Variants in RIPOR2 observed in about 807,000 individuals in gnomAD.
RIPOR2 encodes the protein rho family-interacting cell polarization regulator 2.
RIPOR2 carries 39 observed loss-of-function variants against 114.5 expected under a neutral mutation model. The observed-to-expected ratio is 0.34, with a 90% CI of 0.26 to 0.44. The LOEUF is 0.44. RIPOR2 is among the 20% of genes least tolerant of loss of function. The pLI is 1.00. For missense variants in RIPOR2, 1,007 were observed against 1,255.1 expected (o/e 0.80, Z 2.99); for synonymous variants, 445 against 484.4 (o/e 0.92, Z 1.07).
chr6:24,948,533 CTTTT>C (rs35993841), intron 1 of RIPOR2, among the ~76,000 whole-genome samples: 4 of 145,396 alleles, frequency 2.8e-5, no homozygotes, highest in African/African-American at 7.7e-5. Context: ...TTCTTTCTTT[CTTTT>C]TTTTTTTTTT....
At chr6:24,888,329 T>C (rs1388361088) in intron 1 of RIPOR2, among the ~76,000 whole-genome samples, 2 of 152,226 alleles carry the variant, frequency 1.3e-5, no homozygotes, top group Non-Finnish European at 2.9e-5. Context: ...CAGCCTGTTT[T>C]CCCTAGAGCT....
intron 1 of RIPOR2, among the ~76,000 whole-genome samples, chr6:24,933,379 G>T (rs1011288362): frequency 6.6e-6 from 1 of 152,304 alleles, no homozygotes; most frequent in East Asian, 1.9e-4. Flanking sequence ...CCTGCTTAAG[G>T]TCATAAGTGA....
intron 1 of RIPOR2, among the ~76,000 whole-genome samples, chr6:24,991,730 C>G (rs777230386): frequency 6.6e-6 from 1 of 152,136 alleles, no homozygotes; most frequent in Non-Finnish European, 1.5e-5. Context: ...ATCTCCCAGA[C>G]CCATATCCAA....
At chr6:24,861,149 C>T in intron 7 of RIPOR2, 113 bp from the exon 8 acceptor site, 1 of 680,956 alleles carries the variant, frequency 1.5e-6, no homozygotes, top group Admixed American at 2.4e-5. Context: ...AAGCATTTAC[C>T]TGTTTGCTCC....
At chr6:24,830,458 C>T (rs1760579430) in intron 17 of RIPOR2, 51 bp downstream of exon 17, 5 of 1,489,722 alleles carry the variant, frequency 3.4e-6, no homozygotes, top group East Asian at 2.5e-5. Context: ...CACCCCAATG[C>T]CCACTCTCAC....
At chr6:25,004,887 G>C (rs1471394786) in intron 1 of RIPOR2, among the ~76,000 whole-genome samples, 1 of 151,756 alleles carries the variant, frequency 6.6e-6, no homozygotes, top group Non-Finnish European at 1.5e-5. Context: ...AGGTACTTTA[G>C]TATTCTCACA....
At chr6:24,986,897 A>G (rs1471902227) in intron 1 of RIPOR2, among the ~76,000 whole-genome samples, 1 of 151,384 alleles carries the variant, frequency 6.6e-6, no homozygotes, top group Non-Finnish European at 1.5e-5. Flanking sequence ...AAATACACGA[A>G]CACTAATGGT....
chr6:24,837,879 G>A (rs1040980144), intron 14 of RIPOR2, among the ~76,000 whole-genome samples: 8 of 152,088 alleles, frequency 5.3e-5, no homozygotes, highest in Non-Finnish European at 1.2e-4. Context: ...ATCTTTCAGG[G>A]AGATTTGTGA....
intron 1 of RIPOR2, among the ~76,000 whole-genome samples, chr6:24,921,393 A>T (rs1393199453): frequency 1.3e-5 from 2 of 151,228 alleles, no homozygotes; most frequent in African/African-American, 2.4e-5. Context: ...CAAATACCTG[A>T]TCTCAAGTGA....
intron 1 of RIPOR2, among the ~76,000 whole-genome samples, chr6:24,895,366 A>G (rs1767759308): frequency 6.6e-6 from 1 of 152,028 alleles, no homozygotes. Context: ...AGCTTTTTAA[A>G]AATGTCATTG....
intron 1 of RIPOR2, among the ~76,000 whole-genome samples, chr6:24,925,548 A>C (rs1167565407): frequency 6.6e-6 from 1 of 152,102 alleles, no homozygotes; most frequent in Admixed American, 6.5e-5. Flanking sequence ...TTAAAAATAC[A>C]AAAATTAGCT....
intron 1 of RIPOR2, among the ~76,000 whole-genome samples, chr6:24,925,012 C>A (rs552765556): frequency 6.5e-4 from 99 of 152,286 alleles, no homozygotes; most frequent in Non-Finnish European, 9.0e-4. Context: ...GAATGGAATT[C>A]TTTTCCTTTG....
chr6:24,895,815 C>T (rs1403352937), intron 1 of RIPOR2, among the ~76,000 whole-genome samples: 1 of 151,940 alleles, frequency 6.6e-6, no homozygotes, highest in Non-Finnish European at 1.5e-5. Flanking sequence ...ACGGTGAAAC[C>T]CTGTCTCTAC....
At position 24,849,844 on chromosome 6, in the gene RIPOR2, T is replaced by C. The variant is rs201984243; in HGVS notation, c.992A>G (p.Asn331Ser). 724 of 1,613,844 alleles carry C rather than the reference T, an allele frequency of 4.5e-4. No homozygotes were observed. The highest frequency in any genetic ancestry group is 5.7e-4 in the Non-Finnish European group (669 of 1,179,868). Residue 331 changes from asparagine (N) to serine (S), a missense_variant, in exon 11 of 22, where the codon AAT (asparagine) becomes AGT (serine). Physicochemically the swap from Asn to Ser is conservative, Grantham distance 46. Coordinates refer to ENST00000643898, the MANE Select transcript of RIPOR2 (RefSeq NM_001286445.3). ...GTTCAGTTTGATGGTACCAAGGTCA[T>C]TGATGTCGACAGCCACTACCTGAGG... Reference protein sequence around the residue: ...ARPQVVAVDINDLGTIKLNLE... With the variant: ...ARPQVVAVDISDLGTIKLNLE...
At chr6:25,010,739 G>A (rs753946835) in intron 1 of RIPOR2, among the ~76,000 whole-genome samples, 5 of 152,096 alleles carry the variant, frequency 3.3e-5, no homozygotes, top group African/African-American at 7.2e-5. Flanking sequence ...CTTCCACTCC[G>A]TAAACGTTTC....
In RIPOR2 at chr6:25,023,870, T is replaced by C; in HGVS notation, c.76+17981A>G. ...GCTTTGACCGGTTCCTAGGTCTTCG[T>C]GTAGAGACCTGGAGGCACTTGGTTC... On this transcript the variant is annotated intron_variant, in intron 1 of 13. Coordinates refer to the RIPOR2 transcript ENST00000510784. 4 of 725,278 alleles carry C rather than the reference T, an allele frequency of 5.5e-6. 1 individual carries two copies. Among genetic ancestry groups the C allele is most frequent in the South Asian group, 5.4e-5 (4 of 74,238 alleles). The allele number at this position is 725,278 out of a possible 1,614,324, so 44.9% of individuals were successfully genotyped here. A position where few individuals can be genotyped will look rare whatever the true frequency, so the allele number is the denominator to read the frequency against.
chr6:24,931,157 CA>C (rs2114146008), intron 1 of RIPOR2, among the ~76,000 whole-genome samples: 1 of 152,172 alleles, frequency 6.6e-6, no homozygotes, highest in African/African-American at 2.4e-5. Context: ...ATTCAGGAAA[CA>C]ATATCAAAAT....
At chr6:25,039,130 G>A (rs572426738) in intron 1 of RIPOR2, among the ~76,000 whole-genome samples, 2 of 152,328 alleles carry the variant, frequency 1.3e-5, no homozygotes, top group East Asian at 1.9e-4. Context: ...TGGAGGAAAC[G>A]CTGACCTATG....
At chr6:24,836,830 ACTCT>A (rs370009616) in intron 14 of RIPOR2, among the ~76,000 whole-genome samples, 15 of 99,054 alleles carry the variant, frequency 1.5e-4, no homozygotes, top group South Asian at 6.4e-4. Flanking sequence ...ACACACACAC[ACTCT>A]CTCTCTCTCT....
Sources: allele counts gnomAD v4.1 joint callset (sites outside exome capture counted in the v4.1 genomes callset), GRCh38; gene constraint gnomAD v4.1.1; transcripts MANE v1.5; gene names NCBI Gene and HGNC (gene_info 2026-07-23, HGNC 2026-07-21).